DLGAP1: variants seen among roughly 807,000 people sequenced by gnomAD.
DLGAP1 encodes DLG associated protein 1.
DLGAP1 carries 11 observed loss-of-function variants against 90.8 expected under a neutral mutation model. The observed-to-expected ratio is 0.12, with a 90% CI of 0.08 to 0.20. The LOEUF (loss-of-function observed/expected upper bound fraction) is 0.20. Ranked by LOEUF, DLGAP1 falls within the 10% of genes least tolerant of loss-of-function variation. The probability of loss-of-function intolerance (pLI) is 1.00; values close to 1 mark genes in which losing one functional copy is unlikely to be tolerated. For synonymous variants in DLGAP1, 558 were observed against 540.7 expected, an observed-to-expected ratio of 1.03 and a Z score of -0.44; for missense variants, 1,050 against 1,333.8, an observed-to-expected ratio of 0.79 and a Z score of 3.31.
intron 7 of DLGAP1, among the ~76,000 whole-genome samples, chr18:3,690,177 C>G (rs1034302704): frequency 6.7e-5 from 10 of 149,056 alleles, no homozygotes; most frequent in Admixed American, 1.4e-4. Flanking sequence ...GACTCGAACT[C>G]CTGGGCTTAA....
At chr18:4,190,460 A>C (rs557937632) in intron 1 of DLGAP1, among the ~76,000 whole-genome samples, 106 of 152,268 alleles carry the variant, frequency 7.0e-4, no homozygotes, top group African/African-American at 2.5e-3. Flanking sequence ...GATGCATGAC[A>C]TTATACACTC....
Position 3,729,141 on chromosome 18 carries a change from T to C in DLGAP1, c.1585A>G (p.Ser529Gly). The change falls in exon 7 of 13, where the codon AGC (serine) becomes GGC (glycine). Residue 529 changes from serine to glycine, a missense_variant. Ser to Gly is a moderately conservative substitution (Grantham distance 56, BLOSUM62 0). Around this residue, in one of 2 missense-constraint regions of DLGAP1, gnomAD observed 565 missense variants for 879.7 expected, o/e 0.64. Transcript: ENST00000315677. This position sits in a 1 kb window ranked among gnomAD's most constrained non-coding sequence, Gnocchi z 6.2. ...TGAGGGCCCGCGCACTCACCCGTGCTGCTCTGGATGGTCCTAACGGTGGTG... is the reference window on the plus strand; with the variant it reads ...TGAGGGCCCGCGCACTCACCCGTGCCGCTCTGGATGGTCCTAACGGTGGTG... ...TTTTVRTIQS[S>G]TVSSCITTYK... 1 of 1,609,734 alleles carries C rather than the reference T, an allele frequency of 6.2e-7. No individual in the cohort carries two copies. Among genetic ancestry groups the C allele is most frequent in the Non-Finnish European group, 8.5e-7 (1 of 1,177,864 alleles).
intron 3 of DLGAP1, among the ~76,000 whole-genome samples, chr18:3,892,999 A>G (rs2071515666): frequency 1.3e-5 from 2 of 151,436 alleles, no homozygotes; most frequent in Admixed American, 1.3e-4. Flanking sequence ...CTTTTAGTGT[A>G]GCCATCCCCC....
chr18:4,283,896 A>G (rs1466570088), intron 1 of DLGAP1, among the ~76,000 whole-genome samples: 2 of 152,198 alleles, frequency 1.3e-5, no homozygotes, highest in African/African-American at 4.8e-5. Flanking sequence ...GTCTCATCCA[A>G]GAAATCCAAG....
intron 4 of DLGAP1, among the ~76,000 whole-genome samples, chr18:3,869,902 T>C (rs558058398): frequency 6.6e-6 from 1 of 152,236 alleles, no homozygotes; most frequent in Admixed American, 6.5e-5. Flanking sequence ...TAAATTTGTT[T>C]CTAAGACCTG....
chr18:4,071,085 ATAAT>A (rs2075440204), intron 2 of DLGAP1, among the ~76,000 whole-genome samples: 1 of 152,176 alleles, frequency 6.6e-6, no homozygotes, highest in South Asian at 2.1e-4. Context: ...GACAGAGTAA[ATAAT>A]TATTTTTGTC....
intron 2 of DLGAP1, among the ~76,000 whole-genome samples, chr18:4,120,565 T>C (rs1285320971): frequency 1.3e-5 from 2 of 152,174 alleles, no homozygotes; most frequent in Non-Finnish European, 2.9e-5. Context: ...TCAAAGCAGC[T>C]AGGGAGGTCT....
chr18:3,807,854 TCTCTC>T (rs1320490047), intron 5 of DLGAP1, among the ~76,000 whole-genome samples: 1 of 152,208 alleles, frequency 6.6e-6, no homozygotes. Flanking sequence ...CACAAGGAGT[TCTCTC>T]CTCTCTATAG....
intron 3 of DLGAP1, among the ~76,000 whole-genome samples, chr18:3,950,130 GAAT>G (rs1164000135): frequency 2.0e-5 from 3 of 152,078 alleles, no homozygotes; most frequent in Non-Finnish European, 4.4e-5. Context: ...ACCACTTAAA[GAAT>G]AATAGCTTGA....
chr18:3,845,029 C>G (rs1476220435), intron 4 of DLGAP1, among the ~76,000 whole-genome samples: 5 of 152,080 alleles, frequency 3.3e-5, no homozygotes, highest in Non-Finnish European at 7.4e-5. Flanking sequence ...CTTAGCCCTG[C>G]AAGTACCATA....
intron 2 of DLGAP1, among the ~76,000 whole-genome samples, chr18:4,053,585 C>G (rs2075168424): frequency 6.6e-6 from 1 of 152,148 alleles, no homozygotes; most frequent in African/African-American, 2.4e-5. Flanking sequence ...GTACATAGCA[C>G]CTCCCCCTTT....
rs374217850 is a variant in DLGAP1, at chr18:3,600,793, G to T, written c.1592-18545C>A. Among the ~76,000 whole-genome samples, 156 of 29,148 alleles carry T rather than the reference G, an allele frequency of 5.4e-3. 9 individuals are homozygous for T. The highest frequency in any genetic ancestry group is 0.02 in the African/African-American group (113 of 5,652). 19.1% of individuals were successfully genotyped at this position (29,148 alleles called of 152,430 possible). ...ATATATAGATATATAGATATATATAGATATATAGATATATAGATATATATA... is the reference window on the plus strand; with the variant it reads ...ATATATAGATATATAGATATATATATATATATAGATATATAGATATATATA... On this transcript the variant is annotated intron_variant, in intron 7 of 12. Coordinates refer to ENST00000315677, the MANE Select transcript of DLGAP1 (RefSeq NM_004746.4).
chr18:3,540,107 A>G (rs2052601638), intron 9 of DLGAP1, among the ~76,000 whole-genome samples: 2 of 152,168 alleles, frequency 1.3e-5, no homozygotes, highest in South Asian at 2.1e-4. Flanking sequence ...AAAAACCAAG[A>G]TGTCTCATTA....
At position 3,971,779 on chromosome 18, in the gene DLGAP1, G is replaced by C. The variant is rs544111572; in HGVS notation, c.-73+33337C>G. Among the ~76,000 whole-genome samples, 7 of 152,304 alleles carry C rather than the reference G, an allele frequency of 4.6e-5. No individual in the cohort carries two copies. The South Asian group carries it at 1.4e-3, about 32-fold the overall frequency. Reference sequence around the variant, plus strand: ...TTTAGAAAATCTTGTTCTCTAAATAGCAATAAAACTTAAACCTGGCAAATT... The same window carrying C: ...TTTAGAAAATCTTGTTCTCTAAATACCAATAAAACTTAAACCTGGCAAATT... On this transcript the variant is annotated intron_variant, in intron 3 of 12. Transcript: ENST00000315677.
chr18:3,954,768 C>A (rs2073052699), intron 3 of DLGAP1, among the ~76,000 whole-genome samples: 1 of 152,188 alleles, frequency 6.6e-6, no homozygotes, highest in African/African-American at 2.4e-5. Flanking sequence ...ACGCCTGAAA[C>A]AACCAAAAAC....
At chr18:4,409,964 T>C (rs1291932621) in intron 1 of DLGAP1, among the ~76,000 whole-genome samples, 3 of 152,172 alleles carry the variant, frequency 2.0e-5, no homozygotes, top group Non-Finnish European at 4.4e-5. Flanking sequence ...TAGGATGGAA[T>C]ACTACTCAGC....
At chr18:3,970,007 T>A (rs7241219) in intron 3 of DLGAP1, among the ~76,000 whole-genome samples, 1 of 152,126 alleles carries the variant, frequency 6.6e-6, no homozygotes, top group Non-Finnish European at 1.5e-5. Flanking sequence ...ACGATGTGGG[T>A]GTTTAATCAG....
chr18:4,121,363 T>C (rs183113992), intron 2 of DLGAP1, among the ~76,000 whole-genome samples: 243 of 152,258 alleles, frequency 1.6e-3, no homozygotes, highest in East Asian at 6.6e-3. Context: ...CCAGACTTTA[T>C]GTAGGCTTCT....
intron 7 of DLGAP1, among the ~76,000 whole-genome samples, chr18:3,618,887 C>T (rs1317598990): frequency 3.3e-5 from 5 of 150,282 alleles, no homozygotes; most frequent in African/African-American, 9.8e-5. Context: ...GGCAGTGAGC[C>T]GAGATCGTGT....
Sources: allele counts gnomAD v4.1 joint callset (sites outside exome capture counted in the v4.1 genomes callset), GRCh38; gene constraint gnomAD v4.1.1; regional missense constraint gnomAD v4.1.1; non-coding constraint Gnocchi (gnomAD v3.1); transcripts MANE v1.5; gene names NCBI Gene and HGNC (gene_info 2026-07-23, HGNC 2026-07-21).